Variants in SKAP2 observed in about 807,000 individuals in gnomAD.
SKAP2 encodes the protein src kinase-associated phosphoprotein 2.
SKAP2 carries 28 observed loss-of-function variants against 54.9 expected under a neutral mutation model. That is an observed-to-expected ratio of 0.51 (90% CI 0.38 to 0.70). The LOEUF is 0.70. Among genes scored for constraint, SKAP2 ranks in the 30% least tolerant of loss-of-function variants. The probability of loss-of-function intolerance (pLI) is 0.00; values close to 1 mark genes in which losing one functional copy is unlikely to be tolerated. For missense variants in SKAP2, 356 were observed against 424.1 expected (o/e 0.84, Z 1.41); for synonymous variants, 137 against 134.3 (o/e 1.02, Z -0.14).
intron 4 of SKAP2, among the ~76,000 whole-genome samples, chr7:26,817,697 T>A (rs889624631): frequency 6.6e-6 from 1 of 152,192 alleles, no homozygotes; most frequent in African/African-American, 2.4e-5. Flanking sequence ...AACCCCATCA[T>A]CTCAGCCCAA....
At chr7:26,781,139 G>C (rs937624544) in intron 4 of SKAP2, among the ~76,000 whole-genome samples, 1 of 152,148 alleles carries the variant, frequency 6.6e-6, no homozygotes, top group African/African-American at 2.4e-5. Context: ...AGACATACTT[G>C]TTATAAAAGA....
intron 9 of SKAP2, among the ~76,000 whole-genome samples, chr7:26,713,566 T>C (rs1413549616): frequency 2.0e-5 from 3 of 151,994 alleles, no homozygotes; most frequent in African/African-American, 7.2e-5. Context: ...TGTGGAAATG[T>C]AATACAGTGC....
chr7:26,825,738 C>A (rs954726757), intron 4 of SKAP2, among the ~76,000 whole-genome samples: 1 of 152,112 alleles, frequency 6.6e-6, no homozygotes, highest in Non-Finnish European at 1.5e-5. Flanking sequence ...TCCAGCTCTT[C>A]TCTCTATAAA....
At chr7:26,830,581 C>T (rs1031172593) in intron 4 of SKAP2, among the ~76,000 whole-genome samples, 5 of 152,110 alleles carry the variant, frequency 3.3e-5, no homozygotes, top group African/African-American at 1.2e-4. Flanking sequence ...GTCTTACCCT[C>T]AATTCTGTAA....
chr7:26,861,808 A>C (rs906633698), intron 1 of SKAP2, among the ~76,000 whole-genome samples: 2 of 151,996 alleles, frequency 1.3e-5, no homozygotes, highest in African/African-American at 4.8e-5. Context: ...AATTTCAAAC[A>C]GTACATATGA....
At chr7:26,804,692 T>TTG (rs1783989321) in intron 4 of SKAP2, among the ~76,000 whole-genome samples, 1 of 139,932 alleles carries the variant, frequency 7.1e-6, no homozygotes, top group Non-Finnish European at 1.5e-5. Context: ...TGAGCCGAAA[T>TTG]AGCACCACTG....
chr7:26,781,157 G>A (rs765338041), intron 4 of SKAP2, among the ~76,000 whole-genome samples: 31 of 152,224 alleles, frequency 2.0e-4, no homozygotes, highest in Admixed American at 8.5e-4. Context: ...AGATGACAAA[G>A]ATGGAAGCTT....
intron 4 of SKAP2, among the ~76,000 whole-genome samples, chr7:26,775,468 A>G (rs1272690055): frequency 6.6e-6 from 1 of 152,034 alleles, no homozygotes; most frequent in Non-Finnish European, 1.5e-5. Context: ...TAATTACACA[A>G]CCAGGATACT....
chr7:26,744,741 CACACACACACACAA>C (rs1782526372), intron 4 of SKAP2, among the ~76,000 whole-genome samples: 1 of 137,102 alleles, frequency 7.3e-6, no homozygotes, highest in African/African-American at 3.5e-5. Context: ...GTTACACATA[CACACACACACACAA>C]ACACACACAC....
chr7:26,707,712 GCA>G (rs1442406621), intron 9 of SKAP2, among the ~76,000 whole-genome samples: 1 of 152,104 alleles, frequency 6.6e-6, no homozygotes, highest in African/African-American at 2.4e-5. Context: ...CCTGTGAGAA[GCA>G]CAGAGATACA....
chr7:26,715,727 C>T (rs1022207151), intron 9 of SKAP2, among the ~76,000 whole-genome samples: 2 of 152,020 alleles, frequency 1.3e-5, no homozygotes, highest in East Asian at 1.9e-4. Flanking sequence ...TGCAGTGAGC[C>T]GAGATCATGC....
chr7:26,666,336 G>A (rs548596259), downstream of SKAP2, among the ~76,000 whole-genome samples: 6 of 152,226 alleles, frequency 3.9e-5, no homozygotes, highest in South Asian at 1.2e-3. Context: ...CTGCAAATCT[G>A]AATTCATAAT....
chr7:26,818,170 C>T (rs1784311771), intron 4 of SKAP2, among the ~76,000 whole-genome samples: 2 of 152,128 alleles, frequency 1.3e-5, no homozygotes, highest in African/African-American at 4.8e-5. Context: ...AGGCATGACG[C>T]TACCTGACTT....
intron 9 of SKAP2, among the ~76,000 whole-genome samples, chr7:26,724,358 C>T (rs1787651045): frequency 6.6e-6 from 1 of 152,074 alleles, no homozygotes; most frequent in Admixed American, 6.6e-5. Context: ...CTCCCAATGA[C>T]ATTATTTCCA....
chr7:26,678,542 G>A (rs930026491), intron 11 of SKAP2, among the ~76,000 whole-genome samples: 1 of 150,950 alleles, frequency 6.6e-6, no homozygotes, highest in Non-Finnish European at 1.5e-5. Flanking sequence ...CCGGGTTCAA[G>A]TGATTCTCCT....
chr7:26,842,955 T>C (rs918766108), intron 4 of SKAP2, among the ~76,000 whole-genome samples: 1 of 151,944 alleles, frequency 6.6e-6, no homozygotes, highest in Non-Finnish European at 1.5e-5. Context: ...AAAATAGATA[T>C]GACTATTATT....
At chr7:26,802,471 A>T (rs927882798) in intron 4 of SKAP2, among the ~76,000 whole-genome samples, 1 of 151,924 alleles carries the variant, frequency 6.6e-6, no homozygotes, top group Non-Finnish European at 1.5e-5. Context: ...GGGTTTCTCC[A>T]TGTTGGTCAG....
chr7:26,717,731 C>T (rs1333821647), intron 9 of SKAP2, among the ~76,000 whole-genome samples: 1 of 150,648 alleles, frequency 6.6e-6, no homozygotes, highest in African/African-American at 2.4e-5. Context: ...ACTTGGGAGG[C>T]TGAGGCAGGA....
At chr7:26,663,899 T>C (rs1219229804), downstream of SKAP2, among the ~76,000 whole-genome samples, 2 of 152,126 alleles carry the variant, frequency 1.3e-5, no homozygotes, top group African/African-American at 4.8e-5. Context: ...TTCGTCTCCA[T>C]TGCGGATCAG....
Sources: gnomAD v4.1 joint callset for allele counts (sites outside exome capture counted in the v4.1 genomes callset) on GRCh38, gnomAD v4.1.1 for gene constraint, MANE v1.5 for transcripts, NCBI Gene and HGNC (gene_info 2026-07-23, HGNC 2026-07-21) for gene names.